The following PLEKHH2 variants were observed in gnomAD, a reference collection of about 807,000 sequenced individuals.
The protein encoded by PLEKHH2 is pleckstrin homology, MyTH4 and FERM domain containing H2.
In PLEKHH2, 129 loss-of-function variants were observed where a neutral mutation model predicts 187.9. The observed-to-expected ratio is 0.69, with a 90% CI of 0.59 to 0.79. The LOEUF is 0.79. PLEKHH2 is among the 30% of genes least tolerant of loss of function. PLEKHH2 has a pLI of 0.00. For synonymous variants in PLEKHH2, 686 were observed against 605.6 expected (o/e 1.13, Z -1.95); for missense variants, 2,076 against 1,751.2 (o/e 1.19, Z -3.31).
At chr2:43,744,394 G>T (rs1671691512) in intron 23 of PLEKHH2, among the ~76,000 whole-genome samples, 1 of 152,202 alleles carries the variant, frequency 6.6e-6, no homozygotes, top group Non-Finnish European at 1.5e-5. Context: ...AATAGTCCCT[G>T]CCCACAGTGA....
In PLEKHH2 at chr2:43,643,817, C is replaced by A. The variant is rs2722949; in HGVS notation, c.-3-854C>A. 1.4e-4 allele frequency among the ~76,000 whole-genome samples: 22 copies of A among 152,182 alleles called. No homozygotes were observed. In the East Asian group the frequency reaches 3.9e-3, roughly 27 times the overall value. On this transcript the variant is annotated intron_variant, in intron 1 of 29. Transcript: ENST00000282406. ...AACATTTAAAACTACTTTTATGTAT[C>A]TCAGAGCCAGAAACCATCATGCTTC...
At chr2:43,729,778 G>A (rs751302408) in intron 18 of PLEKHH2, 33 bp downstream of exon 18, 1 of 1,452,836 alleles carries the variant, frequency 6.9e-7, no homozygotes, top group Non-Finnish European at 9.3e-7. Flanking sequence ...AAAGCTTTAT[G>A]GTTAATGAAA....
In PLEKHH2 at chr2:43,738,533, A is replaced by AT; in HGVS notation, c.3123+15dup. ...AGGACCATTGCAGGTAGATATTAAT[A>AT]TTGATACATATACATGCAATTTAAA... On this transcript the variant is annotated intron_variant, in intron 20 of 29. Coordinates refer to ENST00000282406, the MANE Select transcript of PLEKHH2 (RefSeq NM_172069.4). 6.3e-7 allele frequency: 1 copy of AT among 1,587,256 alleles called. No homozygotes were observed. The highest frequency in any genetic ancestry group is 8.6e-7 in the Non-Finnish European group (1 of 1,162,438).
intron 2 of PLEKHH2, among the ~76,000 whole-genome samples, chr2:43,672,053 T>C (rs1667520876): frequency 6.6e-6 from 1 of 152,242 alleles, no homozygotes; most frequent in Admixed American, 6.5e-5. Flanking sequence ...TCCTGGAGTT[T>C]CCTTTGTGGG....
chr2:43,697,359 A>G lies in PLEKHH2; in HGVS notation c.688+3A>G. On this transcript the variant is annotated splice_donor_region_variant and intron_variant, in intron 7 of 29. Coordinates refer to ENST00000282406, the MANE Select transcript of PLEKHH2 (RefSeq NM_172069.4). ...CACTGAAGGAAAAGACATGGAAGGTATTTATGAACTACAGGAATTGACTTT... is the reference window on the plus strand; with the variant it reads ...CACTGAAGGAAAAGACATGGAAGGTGTTTATGAACTACAGGAATTGACTTT... 6.2e-7 allele frequency: 1 copy of G among 1,602,816 alleles called. No homozygotes were observed. The highest frequency in any genetic ancestry group is 1.1e-5 in the South Asian group (1 of 89,072).
intron 8 of PLEKHH2, among the ~76,000 whole-genome samples, chr2:43,703,112 G>C (rs1329703567): frequency 6.6e-6 from 1 of 152,194 alleles, no homozygotes; most frequent in Admixed American, 6.5e-5. Context: ...GATAGTCGGA[G>C]AACTCATGCC....
Position 43,738,486 on chromosome 2 carries a change from G to A in PLEKHH2, c.3089G>A (p.Arg1030Gln), listed in dbSNP as rs183733596. The A allele has an allele frequency of 1.4e-5, 23 of 1,613,296 alleles. No homozygotes were observed. Among genetic ancestry groups the A allele is most frequent in the South Asian group, 4.4e-5 (4 of 90,956 alleles). The change falls in exon 20 of 30, where the codon CGA (arginine) becomes CAA (glutamine). Residue 1030 changes from arginine to glutamine, a missense_variant. By Grantham distance (43) the Arg-to-Gln change is conservative. Coordinates refer to ENST00000282406, the MANE Select transcript of PLEKHH2 (RefSeq NM_172069.4). The part of the protein sequence containing the change: ...ICCQLIKQTR[R>Q]RQPQNQPGPL... ...TGTCAGCTTATTAAACAGACAAGAC[G>A]AAGACAGCCACAGAATCAACCAGGA...
chr2:43,753,644 GGA>G lies in PLEKHH2; in HGVS notation c.3684_3685del (p.Glu1228AspfsTer2), dbSNP rs1553353607. 1.9e-6 allele frequency: 3 copies of G among 1,557,642 alleles called. No homozygotes were observed. The East Asian group carries it at 7.0e-5, about 36-fold the overall frequency. On this transcript the variant is annotated frameshift_variant, in exon 25 of 30. Transcript: ENST00000282406. LOFTEE classifies it high-confidence loss of function. Reference sequence around the variant, plus strand: ...ACTATATTTCTCAGTGCAAGCTCGTGGAGAGACTGATAGAGAAAAGTTGCTGT... The same window carrying G: ...ACTATATTTCTCAGTGCAAGCTCGTGGAGACTGATAGAGAAAAGTTGCTGT... ...NRLYFSVQAR[G>X]ETDREKLLLM...
intron 20 of PLEKHH2, 175 bp from the exon 21 acceptor site, chr2:43,740,771 A>G (rs1671527155): frequency 8.4e-7 from 1 of 1,191,618 alleles, no homozygotes. Flanking sequence ...ATCTGACCCA[A>G]TGTAGAGTTT....
At chr2:43,731,901 G>A (rs1345571580) in intron 19 of PLEKHH2, among the ~76,000 whole-genome samples, 2 of 152,118 alleles carry the variant, frequency 1.3e-5, no homozygotes, top group African/African-American at 4.8e-5. Flanking sequence ...CATCACACCA[G>A]GCACAGCAAT....
intron 9 of PLEKHH2, among the ~76,000 whole-genome samples, chr2:43,705,848 A>T (rs757756961): frequency 6.6e-6 from 1 of 151,998 alleles, no homozygotes; most frequent in Non-Finnish European, 1.5e-5. Flanking sequence ...GGCTCAAGCG[A>T]TCCACTGCCT....
At chr2:43,753,557 TCTTTA>T in intron 24 of PLEKHH2, 57 bp from the exon 25 acceptor site, 2 of 1,323,922 alleles carry the variant, frequency 1.5e-6, no homozygotes, top group Admixed American at 2.8e-5. Flanking sequence ...TCTGGATTTA[TCTTTA>T]CTTTATTTCC....
At position 43,707,560 on chromosome 2, in the gene PLEKHH2, C is replaced by G. The variant is rs1456703153; in HGVS notation, c.1966+15C>G. On this transcript the variant is annotated intron_variant, in intron 11 of 29. Coordinates refer to ENST00000282406, the MANE Select transcript of PLEKHH2 (RefSeq NM_172069.4). ...CATGAAACGAGGTGAGGGAAAATCG[C>G]AGGCATATGAGGCAACTCCAGATCA... The G allele has an allele frequency of 1.2e-6, 2 of 1,613,444 alleles. No individual in the cohort carries two copies. The highest frequency in any genetic ancestry group is 2.7e-5 in the African/African-American group (2 of 74,912).
chr2:43,761,538 G>A (rs1672429641), intron 27 of PLEKHH2, among the ~76,000 whole-genome samples: 1 of 151,274 alleles, frequency 6.6e-6, no homozygotes, highest in South Asian at 2.1e-4. Context: ...AGCCTCCCAA[G>A]TAGATCGGAT....
Position 43,728,477 on chromosome 2 carries a change from C to CAA in PLEKHH2, c.2722-1143_2722-1142dup, listed in dbSNP as rs1042037842. Among the ~76,000 whole-genome samples the CAA allele has an allele frequency of 8.9e-3, 498 of 56,006 alleles. 7 individuals are homozygous for CAA. Among genetic ancestry groups the CAA allele is most frequent in the African/African-American group, 0.031 (473 of 15,386 alleles). The allele number at this position is 56,006 out of a possible 152,430, so 36.7% of individuals were successfully genotyped here. A position where few individuals can be genotyped will look rare whatever the true frequency, so the allele number is the denominator to read the frequency against. ...TGGGTGACAGAGCAAGACTCTGTCT[C>CAA]AAAAAAAAAAAAAAAAAAGAAAGAA... On this transcript the variant is annotated intron_variant, in intron 17 of 29. Transcript: ENST00000282406.
intron 3 of PLEKHH2, among the ~76,000 whole-genome samples, chr2:43,690,100 G>A (rs1668720622): frequency 2.0e-5 from 3 of 152,170 alleles, no homozygotes; most frequent in South Asian, 2.1e-4. Flanking sequence ...TCTGCTCCTC[G>A]TTCCCTGCTT....
intron 3 of PLEKHH2, chr2:43,680,852 G>T: frequency 2.0e-6 from 1 of 500,058 alleles, no homozygotes; most frequent in Non-Finnish European, 3.7e-6. Context: ...TTGATTTCTT[G>T]TTCCATAGCA....
intron 2 of PLEKHH2, among the ~76,000 whole-genome samples, chr2:43,645,520 T>C (rs1666141902): frequency 6.6e-6 from 1 of 152,158 alleles, no homozygotes; most frequent in Non-Finnish European, 1.5e-5. Context: ...CACATGTGGA[T>C]GTTCAACACT....
At chr2:43,658,691 G>T (rs1406851506) in intron 2 of PLEKHH2, 1 of 152,236 alleles carries the variant, frequency 6.6e-6, no homozygotes, top group Non-Finnish European at 1.5e-5. Context: ...CTCACAACAT[G>T]GTGGCTGGCT....
Sources: allele counts gnomAD v4.1 joint callset (sites outside exome capture counted in the v4.1 genomes callset), GRCh38; gene constraint gnomAD v4.1.1; transcripts MANE v1.5; gene names NCBI Gene and HGNC (gene_info 2026-07-23, HGNC 2026-07-21).